Variants in PIK3R3 observed in about 807,000 individuals in gnomAD.
PIK3R3 encodes phosphoinositide-3-kinase regulatory subunit 3.
In PIK3R3, 64 loss-of-function variants were observed where a neutral mutation model predicts 62.9. The ratio of observed to expected loss-of-function variants is 1.02; its 90% CI spans 0.83 to 1.25. The LOEUF is 1.25. Among genes scored for constraint, PIK3R3 ranks in the 50% most tolerant of loss-of-function variants. The pLI is 0.00. For missense variants in PIK3R3, 614 were observed against 561.6 expected (o/e 1.09, Z -0.94); for synonymous variants, 165 against 189.0 (o/e 0.87, Z 1.04).
chr1:46,129,408 T>TATTC (rs1655381332), intron 1 of PIK3R3, among the ~76,000 whole-genome samples: 2 of 79,104 alleles, frequency 2.5e-5, no homozygotes, highest in African/African-American at 5.5e-5. Flanking sequence ...GGATTTTATT[T>TATTC]ATTTATTTAT....
chr1:46,071,730 T>TATATATATAGAGAGAGAGAGAGAGAGAG (rs1163343399), intron 3 of PIK3R3, among the ~76,000 whole-genome samples: 2 of 59,062 alleles, frequency 3.4e-5, no homozygotes, highest in African/African-American at 1.6e-4. Context: ...TATATATATA[T>TATATATATAGAGAGAGAGAGAGAGAGAG]AGAGAGAGAG....
At chr1:46,121,739 G>C (rs1654699373) in intron 1 of PIK3R3, among the ~76,000 whole-genome samples, 1 of 152,074 alleles carries the variant, frequency 6.6e-6, no homozygotes, top group African/African-American at 2.4e-5. Context: ...ATATCCTCAG[G>C]TAAGGATAGG....
intron 2 of PIK3R3, among the ~76,000 whole-genome samples, chr1:46,079,857 G>C (rs900841505): frequency 1.3e-5 from 2 of 149,482 alleles, no homozygotes; most frequent in Non-Finnish European, 3.0e-5. Flanking sequence ...GGGAGGCTGA[G>C]GCAGGAGAAT....
chr1:46,156,957 A>G, the PIK3R3 span, among the ~76,000 whole-genome samples: 1 of 151,870 alleles, frequency 6.6e-6, no homozygotes, highest in Non-Finnish European at 1.5e-5. Context: ...ACTCCCTGCA[A>G]CTCCCTCCAC....
chr1:46,074,217 G>C (rs1171868242), intron 3 of PIK3R3, among the ~76,000 whole-genome samples: 1 of 145,194 alleles, frequency 6.9e-6, no homozygotes, highest in Non-Finnish European at 1.5e-5. Flanking sequence ...GGGAACCTGG[G>C]AGGCGGAGCT....
the PIK3R3 span, among the ~76,000 whole-genome samples, chr1:46,151,279 T>C: frequency 6.6e-6 from 1 of 152,138 alleles, no homozygotes; most frequent in East Asian, 1.9e-4. Context: ...TCTGATCCAT[T>C]CCATTTTTGT....
chr1:46,057,121 G>A (rs542066390), intron 6 of PIK3R3: 5 of 152,418 alleles, frequency 3.3e-5, no homozygotes, highest in Admixed American at 2.0e-4. Context: ...TACTGTTCTC[G>A]TGGTAGTGAA....
intron 1 of PIK3R3, among the ~76,000 whole-genome samples, chr1:46,089,375 T>C (rs769354669): frequency 1.2e-4 from 18 of 152,202 alleles, no homozygotes; most frequent in Non-Finnish European, 2.1e-4. Flanking sequence ...GGTTCTGTTA[T>C]ATGGCTCTGT....
At chr1:46,161,133 T>C in the PIK3R3 span, among the ~76,000 whole-genome samples, 2 of 152,018 alleles carry the variant, frequency 1.3e-5, no homozygotes, top group Non-Finnish European at 2.9e-5. Context: ...AGGGTCTCAC[T>C]CTGTCACTCA....
chr1:46,052,803 C>G (rs1218796711), intron 7 of PIK3R3, among the ~76,000 whole-genome samples: 1 of 152,130 alleles, frequency 6.6e-6, no homozygotes, highest in Non-Finnish European at 1.5e-5. Context: ...AAGCTCTCAG[C>G]AGACAATCAC....
intron 3 of PIK3R3, among the ~76,000 whole-genome samples, chr1:46,072,660 GTATT>G (rs1381345459): frequency 6.6e-6 from 1 of 152,174 alleles, no homozygotes; most frequent in Non-Finnish European, 1.5e-5. Context: ...TATTAAATAA[GTATT>G]TATAAGCTGG....
the PIK3R3 span, among the ~76,000 whole-genome samples, chr1:46,171,905 A>T: frequency 6.6e-6 from 1 of 152,068 alleles, no homozygotes; most frequent in Non-Finnish European, 1.5e-5. Context: ...TACTCCCCCA[A>T]CTAGCCAGGT....
At chr1:46,064,345 A>G (rs1648799670) in intron 5 of PIK3R3, among the ~76,000 whole-genome samples, 1 of 152,178 alleles carries the variant, frequency 6.6e-6, no homozygotes, top group Non-Finnish European at 1.5e-5. Context: ...GTTTGATACC[A>G]GCCTGGCCAA....
chr1:46,052,794 A>C (rs1322157358), intron 7 of PIK3R3, among the ~76,000 whole-genome samples: 1 of 152,192 alleles, frequency 6.6e-6, no homozygotes, highest in African/African-American at 2.4e-5. Context: ...TAGTACACCA[A>C]GCTCTCAGCA....
At chr1:46,131,637 C>A in intron 1 of PIK3R3, 3 of 452,120 alleles carry the variant, frequency 6.6e-6, no homozygotes, top group South Asian at 1.6e-5. Flanking sequence ...CAGCCCCCAC[C>A]CCCACCTTCG....
Position 46,040,300 on chromosome 1 carries a change from C to T in PIK3R3, c.*3373G>A, listed in dbSNP as rs1435724412. 4.3e-6 allele frequency: 1 copy of T among 232,328 alleles called. No individual in the cohort carries two copies. The highest frequency in any genetic ancestry group is 5.6e-5 in the Admixed American group (1 of 17,732). 14.4% of individuals were successfully genotyped at this position (232,328 alleles called of 1,614,324 possible). ...AGCAATGTCTGAACACATCTGGTGA[C>T]AAGAACAATTTGTAAAGTGGTCTAG... On this transcript the variant is annotated 3_prime_UTR_variant, in exon 10 of 10. Transcript: ENST00000262741.
chr1:46,134,574 C>T (rs1261425381), upstream of PIK3R3: 1 of 152,168 alleles, frequency 6.6e-6, no homozygotes, highest in Non-Finnish European at 1.5e-5. Context: ...GGCTGCCTTC[C>T]CAGCAGTCTC....
At chr1:46,148,743 GGAGAGAGAGAGA>G in the PIK3R3 span, among the ~76,000 whole-genome samples, 186 of 143,456 alleles carry the variant, frequency 1.3e-3, 1 homozygote, top group African/African-American at 4.1e-3. Context: ...CCAAGATTTT[GGAGAGAGAGAGA>G]GAGAGAGAGA....
At chr1:46,094,154 C>G (rs1358793285) in intron 1 of PIK3R3, among the ~76,000 whole-genome samples, 4 of 151,662 alleles carry the variant, frequency 2.6e-5, no homozygotes, top group Non-Finnish European at 5.9e-5. Flanking sequence ...TAAATTCTGA[C>G]TATCTGTTAA....
Sources: gnomAD v4.1 joint callset for allele counts (sites outside exome capture counted in the v4.1 genomes callset) on GRCh38, gnomAD v4.1.1 for gene constraint, MANE v1.5 for transcripts, NCBI Gene and HGNC (gene_info 2026-07-23, HGNC 2026-07-21) for gene names.